The following ASXL1 variants were observed in gnomAD, a reference collection of about 807,000 sequenced individuals.
The protein encoded by ASXL1 is ASXL transcriptional regulator 1.
ASXL1 carries 65 observed loss-of-function variants against 89.1 expected under a neutral mutation model. The ratio of observed to expected loss-of-function variants is 0.73; its 90% CI spans 0.60 to 0.90. The LOEUF is 0.90. ASXL1 is among the 40% of genes least tolerant of loss of function. The pLI is 0.00. For missense variants in ASXL1, 1,786 were observed against 1,942.9 expected, an observed-to-expected ratio of 0.92 and a Z score of 1.52; for synonymous variants, 739 against 746.9, an observed-to-expected ratio of 0.99 and a Z score of 0.17.
At chr20:32,396,254 A>G (rs1279245230) in intron 4 of ASXL1, among the ~76,000 whole-genome samples, 1 of 152,120 alleles carries the variant, frequency 6.6e-6, no homozygotes, top group Non-Finnish European at 1.5e-5. Context: ...TATGGGTCAG[A>G]TTTCCCAGTT....
intron 4 of ASXL1, among the ~76,000 whole-genome samples, chr20:32,391,471 C>T (rs941177464): frequency 5.9e-5 from 9 of 152,158 alleles, no homozygotes; most frequent in African/African-American, 2.2e-4. Flanking sequence ...GCTTCACCAT[C>T]TTAAATTCAA....
intron 4 of ASXL1, among the ~76,000 whole-genome samples, chr20:32,398,054 TA>T (rs1177732393): frequency 1.3e-5 from 2 of 152,332 alleles, no homozygotes; most frequent in East Asian, 3.9e-4. Flanking sequence ...AGTATCTAGT[TA>T]AAACACTGTT....
Position 32,429,416 on chromosome 20 carries a change from G to T in ASXL1, c.550G>T (p.Val184Leu), listed in dbSNP as rs140731196. The change falls in exon 7 of 13, where the codon GTG (valine) becomes TTG (leucine). Residue 184 changes from valine (V) to leucine (L), a missense_variant. Physicochemically the swap from Val to Leu is conservative, Grantham distance 32. Coordinates refer to ENST00000375687, the MANE Select transcript of ASXL1 (RefSeq NM_015338.6). The surrounding 1 kb of genome is among the most constrained non-coding windows in gnomAD (Gnocchi z 4.9). ...TCCTCTGAAGGTAAACGGGGCCCAC[G>T]TGGAATCTGCATCAGGTATGTGTAA... ...LTPLKVNGAH[V>L]ESASGFSGCH... 2 of 1,614,060 alleles carry T rather than the reference G, an allele frequency of 1.2e-6. No individual in the cohort carries two copies. The highest frequency in any genetic ancestry group is 2.2e-5 in the East Asian group (1 of 44,882).
At chr20:32,368,304 C>G (rs1334837120) in intron 3 of ASXL1, among the ~76,000 whole-genome samples, 1 of 152,124 alleles carries the variant, frequency 6.6e-6, no homozygotes, top group East Asian at 1.9e-4. Flanking sequence ...TGAATTGTCA[C>G]GTTTTGTAAC....
chr20:32,359,790 A>T (rs905152720), intron 1 of ASXL1: 4 of 718,048 alleles, frequency 5.6e-6, no homozygotes, highest in Non-Finnish European at 1.0e-5. Flanking sequence ...GAGGACTTGC[A>T]GGTGAAATAG....
intron 4 of ASXL1, among the ~76,000 whole-genome samples, chr20:32,404,614 A>G (rs1423454439): frequency 6.6e-6 from 1 of 152,016 alleles, no homozygotes; most frequent in Non-Finnish European, 1.5e-5. Context: ...TTCCTTTCTG[A>G]TATGTGTACC....
intron 4 of ASXL1, among the ~76,000 whole-genome samples, chr20:32,409,936 G>A (rs578034512): frequency 6.6e-6 from 1 of 152,140 alleles, no homozygotes; most frequent in East Asian, 1.9e-4. Flanking sequence ...TTTTTTTAAA[G>A]TACAGACCAT....
At chr20:32,430,147 TTTA>T in intron 8 of ASXL1, 94 bp downstream of exon 8, 1 of 1,458,668 alleles carries the variant, frequency 6.9e-7, no homozygotes, top group South Asian at 1.3e-5. Context: ...CCTTTACCAG[TTTA>T]TTTTTACTTC....
Position 32,358,701 on chromosome 20 carries a change from C to T in ASXL1, c.-75C>T. ...GCCCCCCCCACCGCCGCCGCCGCCC[C>T]AGCCCCGCGCCACCGCCCCAGCCCG... On this transcript the variant is annotated 5_prime_UTR_variant, in exon 1 of 13. Coordinates refer to ENST00000375687, the MANE Select transcript of ASXL1 (RefSeq NM_015338.6). 2 of 894,058 alleles carry T rather than the reference C, an allele frequency of 2.2e-6. No individual in the cohort carries two copies. Among genetic ancestry groups the T allele is most frequent in the South Asian group, 4.3e-5 (2 of 46,520 alleles). The allele number at this position is 894,058 out of a possible 1,614,324, so 55.4% of individuals were successfully genotyped here. A position where few individuals can be genotyped will look rare whatever the true frequency, so the allele number is the denominator to read the frequency against.
chr20:32,366,579 G>A (rs924313468), intron 2 of ASXL1, 113 bp downstream of exon 2: 2 of 1,577,270 alleles, frequency 1.3e-6, no homozygotes, highest in African/African-American at 2.7e-5. Context: ...TCTGTGTCTG[G>A]TAGTGAGATG....
At chr20:32,366,878 T>TA (rs2048213248) in intron 2 of ASXL1, among the ~76,000 whole-genome samples, 1 of 152,280 alleles carries the variant, frequency 6.6e-6, no homozygotes, top group South Asian at 2.1e-4. Context: ...CTCATCAACA[T>TA]AAAAAACCAC....
chr20:32,360,622 T>G (rs1049860240), intron 1 of ASXL1: 6 of 153,906 alleles, frequency 3.9e-5, no homozygotes, highest in Admixed American at 6.5e-5. Context: ...GTGTTATTTA[T>G]GTCTTGACAG....
chr20:32,366,349 T>G, intron 1 of ASXL1, 35 bp from the exon 2 acceptor site: 1 of 1,543,570 alleles, frequency 6.5e-7, no homozygotes, highest in Non-Finnish European at 9.0e-7. Flanking sequence ...AAATGGAAAT[T>G]GCACACTGAA....
At chr20:32,394,110 C>A (rs1203106874) in intron 4 of ASXL1, among the ~76,000 whole-genome samples, 1 of 150,880 alleles carries the variant, frequency 6.6e-6, no homozygotes, top group Non-Finnish European at 1.5e-5. Context: ...TCAAGCGATA[C>A]TCCTGCCTCA....
chr20:32,393,426 G>A (rs2048706784), intron 4 of ASXL1, among the ~76,000 whole-genome samples: 1 of 152,076 alleles, frequency 6.6e-6, no homozygotes, highest in Admixed American at 6.5e-5. Flanking sequence ...CAGTTTGATA[G>A]TGTTTGCCTT....
chr20:32,377,885 T>G (rs1016555903), intron 4 of ASXL1, among the ~76,000 whole-genome samples: 4 of 151,970 alleles, frequency 2.6e-5, no homozygotes, highest in Non-Finnish European at 5.9e-5. Flanking sequence ...ACCCCTGACC[T>G]GAAGTGATCT....
chr20:32,362,334 C>T (rs1302493641), intron 1 of ASXL1, among the ~76,000 whole-genome samples: 2 of 152,112 alleles, frequency 1.3e-5, no homozygotes, highest in Non-Finnish European at 2.9e-5. Context: ...ACTGGGAATC[C>T]TTTTAAAAAT....
In ASXL1 at chr20:32,358,704, C is replaced by A. The variant is rs1475528058; in HGVS notation, c.-72C>A. The A allele has an allele frequency of 2.1e-6, 2 of 953,678 alleles. No homozygotes were observed. Among genetic ancestry groups the A allele is most frequent in the South Asian group, 1.9e-5 (1 of 54,004 alleles). The allele number at this position is 953,678 out of a possible 1,614,324, so 59.1% of individuals were successfully genotyped here. A position where few individuals can be genotyped will look rare whatever the true frequency, so the allele number is the denominator to read the frequency against. ...CCCCCCACCGCCGCCGCCGCCCCAGCCCCGCGCCACCGCCCCAGCCCGCCC... is the reference window on the plus strand; with the variant it reads ...CCCCCCACCGCCGCCGCCGCCCCAGACCCGCGCCACCGCCCCAGCCCGCCC... On this transcript the variant is annotated 5_prime_UTR_variant, in exon 1 of 13. Transcript: ENST00000375687.
intron 4 of ASXL1, among the ~76,000 whole-genome samples, chr20:32,384,983 A>AT (rs2048554155): frequency 6.6e-6 from 1 of 152,034 alleles, no homozygotes; most frequent in Non-Finnish European, 1.5e-5. Context: ...AAAAAAAAAA[A>AT]CTTTTCTTTG....
Sources: allele counts gnomAD v4.1 joint callset (sites outside exome capture counted in the v4.1 genomes callset), GRCh38; gene constraint gnomAD v4.1.1; non-coding constraint Gnocchi (gnomAD v3.1); transcripts MANE v1.5; gene names NCBI Gene and HGNC (gene_info 2026-07-23, HGNC 2026-07-21).